ARFIP1: variants seen among roughly 807,000 people sequenced by gnomAD.
The protein encoded by ARFIP1 is ARF interacting protein 1, also known as arfaptin-1.
A neutral mutation model predicts 42.5 loss-of-function variants in ARFIP1; 24 were observed. That is an observed-to-expected ratio of 0.57 (90% confidence interval 0.41 to 0.80). ARFIP1 has a LOEUF of 0.80. Ranked by LOEUF, ARFIP1 falls within the 30% of genes least tolerant of loss-of-function variation. ARFIP1 has a pLI of 0.00. For synonymous variants in ARFIP1, 141 were observed against 153.7 expected (o/e 0.92, Z 0.61); for missense variants, 354 against 434.0 (o/e 0.82, Z 1.64).
chr4:152,794,602 C>T (rs1278175265), intron 1 of ARFIP1, among the ~76,000 whole-genome samples: 2 of 152,144 alleles, frequency 1.3e-5, no homozygotes, highest in African/African-American at 2.4e-5. Context: ...TACGTGGAGA[C>T]TGTGTAAATC....
chr4:152,886,456 C>T (rs1489794802), intron 7 of ARFIP1, among the ~76,000 whole-genome samples: 1 of 152,134 alleles, frequency 6.6e-6, no homozygotes, highest in Admixed American at 6.6e-5. Context: ...CCAAATGTGT[C>T]ATTGTATCTT....
intron 1 of ARFIP1, among the ~76,000 whole-genome samples, chr4:152,822,296 T>TAAAAAAAAAAAAAA (rs70949618): frequency 3.1e-5 from 2 of 65,572 alleles, no homozygotes; most frequent in African/African-American, 1.0e-4. Flanking sequence ...GCAACAGCAG[T>TAAAAAAAAAAAAAA]AAAAAAAAAA....
At chr4:152,830,813 G>A (rs1731194888) in intron 2 of ARFIP1, among the ~76,000 whole-genome samples, 1 of 152,170 alleles carries the variant, frequency 6.6e-6, no homozygotes, top group African/African-American at 2.4e-5. Context: ...ATGTCTCCAG[G>A]AGAGGGGACA....
chr4:152,875,378 T>TAAAAAAAAAA (rs11302481), intron 5 of ARFIP1, among the ~76,000 whole-genome samples: 1 of 100,160 alleles, frequency 1.0e-5, no homozygotes, highest in Non-Finnish European at 2.2e-5. Context: ...TCTTTTTTTA[T>TAAAAAAAAAA]AAAAAAAAAA....
At chr4:152,807,261 ATTTT>A (rs1452322026) in intron 1 of ARFIP1, 3 of 149,430 alleles carry the variant, frequency 2.0e-5, no homozygotes, top group African/African-American at 4.9e-5. Context: ...AAGGACGTTT[ATTTT>A]AATTTCTTTT....
In ARFIP1 at chr4:152,882,640, T is replaced by C. The variant is rs1735935571; in HGVS notation, c.634-83T>C. ...AGATCTCTATCTAAATCACATATTT[T>C]CCCATTAGTGACGTGCTTGAGATTT... is the stretch of plus-strand genomic sequence containing the variant. On this transcript the variant is annotated intron_variant, in intron 6 of 8. Coordinates refer to ENST00000353617, the MANE Select transcript of ARFIP1 (RefSeq NM_001025595.3). The C allele has an allele frequency of 7.7e-6, 10 of 1,295,652 alleles. No homozygotes were observed. The South Asian group carries it at 1.0e-4, about 14-fold the overall frequency. The allele number at this position is 1,295,652 out of a possible 1,614,324, so 80.3% of individuals were successfully genotyped here.
At chr4:152,840,400 A>G (rs192145388) in intron 2 of ARFIP1, among the ~76,000 whole-genome samples, 3 of 152,208 alleles carry the variant, frequency 2.0e-5, no homozygotes, top group East Asian at 1.9e-4. Context: ...TCTTAGGTCT[A>G]TTAGTAATTG....
At chr4:152,873,613 C>G (rs984931991) in intron 5 of ARFIP1, among the ~76,000 whole-genome samples, 3 of 152,174 alleles carry the variant, frequency 2.0e-5, no homozygotes, top group African/African-American at 7.2e-5. Flanking sequence ...GCTGATTCCA[C>G]ATAGCCAGTC....
chr4:152,809,455 AT>A (rs1400437480), intron 1 of ARFIP1, among the ~76,000 whole-genome samples: 1 of 152,234 alleles, frequency 6.6e-6, no homozygotes, highest in Non-Finnish European at 1.5e-5. Flanking sequence ...CTCTTGATTA[AT>A]TTCAAAAGAT....
chr4:152,880,567 A>G (rs911727533), intron 5 of ARFIP1, among the ~76,000 whole-genome samples: 1 of 152,136 alleles, frequency 6.6e-6, no homozygotes, highest in Non-Finnish European at 1.5e-5. Context: ...AAGGGGGAAG[A>G]TAGAAGTAAA....
chr4:152,789,155 A>T (rs957178162), intron 1 of ARFIP1, among the ~76,000 whole-genome samples: 3 of 143,584 alleles, frequency 2.1e-5, no homozygotes, highest in Non-Finnish European at 4.5e-5. Context: ...CAGTAACGCA[A>T]TCTCGGCTCA....
chr4:152,796,489 C>T lies in ARFIP1; in HGVS notation c.-10+16263C>T, dbSNP rs958382030. 4.1e-6 allele frequency: 3 copies of T among 731,436 alleles called. No homozygotes were observed. In the Admixed American group the frequency reaches 6.3e-5, roughly 15 times the overall value. 45.3% of individuals were successfully genotyped at this position (731,436 alleles called of 1,614,324 possible). On this transcript the variant is annotated intron_variant, in intron 1 of 8. Transcript: ENST00000353617. ...GCACATACTTTAGGCAGAGGGACTTCCCATTTTCCCTCATTCTCTTTTCGT... is the reference window on the plus strand; with the variant it reads ...GCACATACTTTAGGCAGAGGGACTTTCCATTTTCCCTCATTCTCTTTTCGT...
chr4:152,908,312 C>T (rs1001467165), intron 8 of ARFIP1, among the ~76,000 whole-genome samples: 3 of 152,116 alleles, frequency 2.0e-5, no homozygotes, highest in Admixed American at 2.0e-4. Context: ...ATGAATGTAG[C>T]TTATCTTTTC....
chr4:152,905,339 G>C (rs2149913541), intron 8 of ARFIP1, among the ~76,000 whole-genome samples: 1 of 152,066 alleles, frequency 6.6e-6, no homozygotes, highest in African/African-American at 2.4e-5. Context: ...TCAGCATCCT[G>C]GTCAGTAAGG....
At chr4:152,855,891 C>T (rs564508077) in intron 2 of ARFIP1, among the ~76,000 whole-genome samples, 1 of 152,220 alleles carries the variant, frequency 6.6e-6, no homozygotes, top group Admixed American at 6.5e-5. Context: ...CCTGGCAGAG[C>T]AGGTTGCCTT....
chr4:152,799,354 G>C (rs1731661682), intron 1 of ARFIP1, among the ~76,000 whole-genome samples: 1 of 152,134 alleles, frequency 6.6e-6, no homozygotes, highest in Non-Finnish European at 1.5e-5. Context: ...AATTGGTAAG[G>C]CTGGAGCACA....
intron 8 of ARFIP1, among the ~76,000 whole-genome samples, chr4:152,898,922 C>T (rs1245849860): frequency 6.6e-6 from 1 of 152,088 alleles, no homozygotes; most frequent in Admixed American, 6.6e-5. Flanking sequence ...TTGTTTTGTC[C>T]TAACAAATTT....
chr4:152,789,589 G>C (rs762487302), intron 1 of ARFIP1, among the ~76,000 whole-genome samples: 60 of 152,300 alleles, frequency 3.9e-4, no homozygotes, highest in Non-Finnish European at 7.6e-4. Flanking sequence ...CTTTAAGGGT[G>C]AAGTGTCTAC....
At chr4:152,817,216 T>C (rs76786568) in intron 1 of ARFIP1, among the ~76,000 whole-genome samples, 2,411 of 152,178 alleles carry the variant, frequency 0.016, 59 homozygotes, top group African/African-American at 0.055. Context: ...CTAATTAGAG[T>C]CCAAATACTA....
Sources: allele counts gnomAD v4.1 joint callset (sites outside exome capture counted in the v4.1 genomes callset), GRCh38; gene constraint gnomAD v4.1.1; transcripts MANE v1.5; gene names NCBI Gene and HGNC (gene_info 2026-07-23, HGNC 2026-07-21).